Variants in SLC5A3 observed in about 807,000 individuals in gnomAD.
SLC5A3 encodes solute carrier family 5 member 3.
Under a neutral mutation model 43.2 loss-of-function variants are expected in SLC5A3, and 10 were observed. The ratio of observed to expected loss-of-function variants is 0.23; its 90% CI spans 0.14 to 0.39. The LOEUF (loss-of-function observed/expected upper bound fraction) is 0.39. Ranked by LOEUF, SLC5A3 falls within the 10% of genes least tolerant of loss-of-function variation. SLC5A3 has a pLI of 1.00. For synonymous variants in SLC5A3, 349 were observed against 322.0 expected, an observed-to-expected ratio of 1.08 and a Z score of -0.90; for missense variants, 608 against 893.4, an observed-to-expected ratio of 0.68 and a Z score of 4.07.
chr21:34,082,535 T>G (rs1989482682), intron 1 of SLC5A3, among the ~76,000 whole-genome samples: 1 of 152,206 alleles, frequency 6.6e-6, no homozygotes, highest in Non-Finnish European at 1.5e-5. Flanking sequence ...AGAAAATATT[T>G]TTTTTTGCTC....
chr21:34,087,480 A>T (rs1270254466), intron 1 of SLC5A3, among the ~76,000 whole-genome samples: 2 of 152,222 alleles, frequency 1.3e-5, no homozygotes. Flanking sequence ...TTCTACCCTC[A>T]TGGAGTTTAC....
At chr21:34,075,777 C>A (rs1023008268) in intron 1 of SLC5A3, among the ~76,000 whole-genome samples, 1 of 152,152 alleles carries the variant, frequency 6.6e-6, no homozygotes. Flanking sequence ...ACAAAGACTT[C>A]CAGGTTTTAG....
At chr21:34,079,102 C>T (rs1192372222) in intron 1 of SLC5A3, among the ~76,000 whole-genome samples, 2 of 152,212 alleles carry the variant, frequency 1.3e-5, no homozygotes, top group East Asian at 3.8e-4. Flanking sequence ...CAAGAGTTGG[C>T]AGCCTGTGGC....
chr21:34,085,008 A>C (rs1328759477), intron 1 of SLC5A3, among the ~76,000 whole-genome samples: 1 of 152,206 alleles, frequency 6.6e-6, no homozygotes, highest in African/African-American at 2.4e-5. Flanking sequence ...TAACCACAAC[A>C]TAGTCATCAC....
Position 34,103,524 on chromosome 21 carries a change from G to A in SLC5A3, c.*6169G>A, listed in dbSNP as rs114419906. 0.067 allele frequency: 66,878 copies of A among 999,552 alleles called. 2,339 individuals carry two copies. The highest frequency in any genetic ancestry group is 0.11 in the Middle Eastern group (219 of 1,914). 61.9% of individuals were successfully genotyped at this position (999,552 alleles called of 1,614,324 possible). On this transcript the variant is annotated 3_prime_UTR_variant, in exon 2 of 2. Transcript: ENST00000381151. Reference sequence around the variant, plus strand: ...TGATAGGTATATCGAGAACAGGTACGTGACAACAGTTTATATTCCATGATA... The same window carrying A: ...TGATAGGTATATCGAGAACAGGTACATGACAACAGTTTATATTCCATGATA...
chr21:34,104,896 A>T lies in SLC5A3; in HGVS notation c.*7541A>T, dbSNP rs1289690155. The T allele has an allele frequency of 1.0e-6, 1 of 1,000,140 alleles. No individual in the cohort carries two copies. Among genetic ancestry groups the T allele is most frequent in the Non-Finnish European group, 1.2e-6 (1 of 829,956 alleles). The allele number at this position is 1,000,140 out of a possible 1,614,324, so 62.0% of individuals were successfully genotyped here. A position where few individuals can be genotyped will look rare whatever the true frequency, so the allele number is the denominator to read the frequency against. ...AAATGCTTCTGGAGATTTCTTTGGC[A>T]GAAATGCCTTTCATCTATAATTTCA... On this transcript the variant is annotated 3_prime_UTR_variant, in exon 2 of 2. Coordinates refer to ENST00000381151, the MANE Select transcript of SLC5A3 (RefSeq NM_006933.7).
rs754020041 is a variant in SLC5A3 at position 34,095,337 on chromosome 21, A to T, written c.139A>T (p.Thr47Ser). The T allele has an allele frequency of 5.0e-6, 8 of 1,614,102 alleles. No homozygotes were observed. The highest frequency in any genetic ancestry group is 6.8e-6 in the Non-Finnish European group (8 of 1,179,986). ...ATACTTCCTGGCGGGGCGCTCTATG[A>T]CCTGGGTAGCAATTGGTGCCTCTCT... is the stretch of plus-strand genomic sequence containing the variant. The part of the protein sequence containing the change: ...SGYFLAGRSM[T>S]WVAIGASLFV... The change falls in exon 2 of 2, where the codon ACC (threonine) becomes TCC (serine). Residue 47 changes from threonine to serine, a missense_variant. By Grantham distance (58) the Thr-to-Ser change is moderately conservative (BLOSUM62 1). Transcript: ENST00000381151.
rs77728577 is a variant in SLC5A3 at position 34,098,360 on chromosome 21, C to G, written c.*1005C>G. ...GAAAAATTGACGCTGCCTTTGTGTG[C>G]TGGATTGCTCTACTTGATTAGATCA... is the stretch of plus-strand genomic sequence containing the variant. On this transcript the variant is annotated 3_prime_UTR_variant, in exon 2 of 2. Coordinates refer to ENST00000381151, the MANE Select transcript of SLC5A3 (RefSeq NM_006933.7). 61 of 1,000,192 alleles carry G rather than the reference C, an allele frequency of 6.1e-5. No homozygotes were observed. In the African/African-American group the frequency reaches 1.0e-3, roughly 17 times the overall value. 62.0% of individuals were successfully genotyped at this position (1,000,192 alleles called of 1,614,324 possible).
rs913898038 is a variant in SLC5A3 at position 34,105,268 on chromosome 21, G to A, written c.*7913G>A. ...TTTTCTTTTGTCCAGACCCATGTTG[G>A]CAATCATGTATGAACTGTGTTATAC... is the stretch of plus-strand genomic sequence containing the variant. On this transcript the variant is annotated 3_prime_UTR_variant, in exon 2 of 2. Transcript: ENST00000381151. 1 of 999,956 alleles carries A rather than the reference G, an allele frequency of 1.0e-6. No homozygotes were observed. Among genetic ancestry groups the A allele is most frequent in the Admixed American group, 6.2e-5 (1 of 16,246 alleles). 61.9% of individuals were successfully genotyped at this position (999,956 alleles called of 1,614,324 possible).
intron 1 of SLC5A3, among the ~76,000 whole-genome samples, chr21:34,085,982 C>T (rs1402929218): frequency 1.3e-5 from 2 of 152,212 alleles, no homozygotes; most frequent in Non-Finnish European, 2.9e-5. Context: ...TGTTCAAATT[C>T]CCTGAATTGT....
chr21:34,083,553 G>C lies in SLC5A3; in HGVS notation c.-337+9808G>C, dbSNP rs570679367. Among the ~76,000 whole-genome samples, 3 of 152,322 alleles carry C rather than the reference G, an allele frequency of 2.0e-5. No homozygotes were observed. The South Asian group carries it at 6.2e-4, about 32-fold the overall frequency. On this transcript the variant is annotated intron_variant, in intron 1 of 1. Coordinates refer to ENST00000381151, the MANE Select transcript of SLC5A3 (RefSeq NM_006933.7). Reference sequence around the variant, plus strand: ...TTTTTTAACTGCTTGACACTGTTAAGTAAGCAAATGACCCAGTCATGGGTT... The same window carrying C: ...TTTTTTAACTGCTTGACACTGTTAACTAAGCAAATGACCCAGTCATGGGTT...
chr21:34,083,738 C>G (rs1989509188), intron 1 of SLC5A3, among the ~76,000 whole-genome samples: 1 of 152,198 alleles, frequency 6.6e-6, no homozygotes, highest in South Asian at 2.1e-4. Flanking sequence ...CACTGTTGGT[C>G]TCATGGGAAT....
intron 1 of SLC5A3, among the ~76,000 whole-genome samples, chr21:34,084,414 G>A (rs1271527808): frequency 6.6e-6 from 1 of 152,142 alleles, no homozygotes; most frequent in Middle Eastern, 3.2e-3. Flanking sequence ...ACACAAAGTT[G>A]ACCTGGTAGG....
chr21:34,094,238 C>T (rs921097561), intron 1 of SLC5A3, among the ~76,000 whole-genome samples: 6 of 152,078 alleles, frequency 3.9e-5, no homozygotes, highest in African/African-American at 1.4e-4. Context: ...GGGCAGGGGG[C>T]GTCTCACAAG....
At position 34,104,913 on chromosome 21, in the gene SLC5A3, A is replaced by T; in HGVS notation, c.*7558A>T. The T allele has an allele frequency of 1.0e-6, 1 of 1,000,210 alleles. No homozygotes were observed. 62.0% of individuals were successfully genotyped at this position (1,000,210 alleles called of 1,614,324 possible). ...TCTTTGGCAGAAATGCCTTTCATCTATAATTTCATGGAGAACTGCTTTAAT... is the reference window on the plus strand; with the variant it reads ...TCTTTGGCAGAAATGCCTTTCATCTTTAATTTCATGGAGAACTGCTTTAAT... On this transcript the variant is annotated 3_prime_UTR_variant, in exon 2 of 2. Transcript: ENST00000381151.
rs537575782 is a variant in SLC5A3, at chr21:34,101,991, T to A, written c.*4636T>A. On this transcript the variant is annotated 3_prime_UTR_variant, in exon 2 of 2. Coordinates refer to ENST00000381151, the MANE Select transcript of SLC5A3 (RefSeq NM_006933.7). ...TTTTTTTGCAGTAAAAGTAAAAATT[T>A]GGAATTAGTTGGCATATAGAGGAAC... The A allele has an allele frequency of 3.0e-6, 3 of 1,000,162 alleles. No individual in the cohort carries two copies. In the South Asian group the frequency reaches 1.4e-4, roughly 47 times the overall value. 62.0% of individuals were successfully genotyped at this position (1,000,162 alleles called of 1,614,324 possible). A position where few individuals can be genotyped will look rare whatever the true frequency, so the allele number is the denominator to read the frequency against.
chr21:34,077,571 T>TTA (rs532995311), intron 1 of SLC5A3, among the ~76,000 whole-genome samples: 332 of 151,914 alleles, frequency 2.2e-3, no homozygotes, highest in Non-Finnish European at 3.6e-3. Flanking sequence ...AAGATAGCAT[T>TTA]TATATATATA....
chr21:34,086,731 A>G (rs1050177477), intron 1 of SLC5A3, among the ~76,000 whole-genome samples: 1 of 152,192 alleles, frequency 6.6e-6, no homozygotes, highest in Non-Finnish European at 1.5e-5. Flanking sequence ...CATGTAGTGT[A>G]AAAATAGTGG....
Position 34,099,533 on chromosome 21 carries a change from G to T in SLC5A3, c.*2178G>T, listed in dbSNP as rs1034165462. ...GAACCACATTACTGTGTAATTCACT[G>T]ATAATTGACATATTGGCTGGGCAGC... On this transcript the variant is annotated 3_prime_UTR_variant, in exon 2 of 2. Coordinates refer to ENST00000381151, the MANE Select transcript of SLC5A3 (RefSeq NM_006933.7). The T allele has an allele frequency of 5.3e-5, 53 of 999,486 alleles. No homozygotes were observed. The Middle Eastern group carries it at 2.1e-3, about 39-fold the overall frequency. The allele number at this position is 999,486 out of a possible 1,614,324, so 61.9% of individuals were successfully genotyped here.
Sources: gnomAD v4.1 joint callset for allele counts (sites outside exome capture counted in the v4.1 genomes callset) on GRCh38, gnomAD v4.1.1 for gene constraint, MANE v1.5 for transcripts, NCBI Gene and HGNC (gene_info 2026-07-23, HGNC 2026-07-21) for gene names.